SVIL: variants seen among roughly 807,000 people sequenced by gnomAD.
SVIL encodes supervillin.
A neutral mutation model predicts 240.4 loss-of-function variants in SVIL; 101 were observed. The ratio of observed to expected loss-of-function variants is 0.42; its 90% CI spans 0.36 to 0.50. The LOEUF is 0.50. Ranked by LOEUF, SVIL falls within the 20% of genes least tolerant of loss-of-function variation. The pLI is 0.01. For missense variants in SVIL, 2,512 were observed against 2,818.7 expected (o/e 0.89, Z 2.46); for synonymous variants, 999 against 1,100.0 (o/e 0.91, Z 1.82).
At chr10:29,524,410 C>T (rs1950758048) in intron 14 of SVIL, 62 bp downstream of exon 14, 6 of 1,601,952 alleles carry the variant, frequency 3.7e-6, no homozygotes, top group Non-Finnish European at 5.1e-6. Context: ...CAGAGGAATA[C>T]TGCAGTGCTA....
chr10:29,464,118 C>A (rs1944601521), intron 34 of SVIL, among the ~76,000 whole-genome samples: 1 of 152,134 alleles, frequency 6.6e-6, no homozygotes, highest in South Asian at 2.1e-4. Context: ...GCTCATGGCT[C>A]TCTTACAGAG....
At chr10:29,513,590 A>G (rs1950009947) in intron 16 of SVIL, among the ~76,000 whole-genome samples, 1 of 152,196 alleles carries the variant, frequency 6.6e-6, no homozygotes, top group East Asian at 1.9e-4. Flanking sequence ...ACAGTCTCTT[A>G]ATATCATCCC....
intron 28 of SVIL, 78 bp downstream of exon 28, chr10:29,481,506 T>A: frequency 6.3e-7 from 1 of 1,577,114 alleles, no homozygotes; most frequent in East Asian, 2.2e-5. Flanking sequence ...CTATCCTGAT[T>A]TGATCATTTT....
Position 29,524,656 on chromosome 10 carries a change from T to C in SVIL, c.2402A>G (p.Glu801Gly). 1 of 1,614,192 alleles carries C rather than the reference T, an allele frequency of 6.2e-7. No homozygotes were observed. Among genetic ancestry groups the C allele is most frequent in the Non-Finnish European group, 8.5e-7 (1 of 1,180,022 alleles). The stretch of plus-strand genomic sequence containing the variant: ...ATCAGGTTCTCCTTGCTCAGCAAGC[T>C]CTTTGCCCTCATTTGTCTGGTCCTT... ...LAKDQTNEGK[E>G]LAEQGEPDSS... is the part of the protein sequence containing the mutation. Residue 801 changes from glutamate to glycine, a missense_variant, in exon 14 of 38, where the codon GAG (glutamate) becomes GGG (glycine). Glu to Gly is a moderately conservative substitution (Grantham distance 98). Coordinates refer to ENST00000355867, the MANE Select transcript of SVIL (RefSeq NM_021738.3).
chr10:29,697,434 A>T (rs1962175816), intron 1 of SVIL, among the ~76,000 whole-genome samples: 2 of 78,658 alleles, frequency 2.5e-5, no homozygotes, highest in East Asian at 3.9e-4. Flanking sequence ...GTGTAGAAAG[A>T]AGTAGACATG....
chr10:29,499,421 G>T (rs910835637), intron 17 of SVIL, among the ~76,000 whole-genome samples, 158 bp from the exon 18 acceptor site: 4 of 152,220 alleles, frequency 2.6e-5, no homozygotes, highest in African/African-American at 9.7e-5. Flanking sequence ...AATGGGCTTG[G>T]CTTCCTTACG....
chr10:29,555,344 ATG>A (rs371830010), intron 3 of SVIL, among the ~76,000 whole-genome samples: 1,698 of 55,318 alleles, frequency 0.031, 17 homozygotes, highest in Admixed American at 0.029. Context: ...ACACACACAC[ATG>A]GACACACCCT....
intron 36 of SVIL, chr10:29,458,902 G>T (rs926799219): frequency 1.1e-5 from 2 of 177,972 alleles, no homozygotes; most frequent in Non-Finnish European, 2.3e-5. Context: ...CAGCTCCTGG[G>T]CTCAAGTGAT....
chr10:29,635,807 A>G (rs961479301), upstream of SVIL, among the ~76,000 whole-genome samples: 1 of 152,212 alleles, frequency 6.6e-6, no homozygotes, highest in Non-Finnish European at 1.5e-5. Flanking sequence ...CACCAACTTC[A>G]GTATAAACCA....
rs531326848 is a variant in SVIL, at chr10:29,610,106, C to T, written c.-201+24314G>A. Among the ~76,000 whole-genome samples the T allele has an allele frequency of 1.8e-4, 28 of 152,252 alleles. 1 individual carries two copies. In the South Asian group the frequency reaches 4.6e-3, roughly 25 times the overall value. The stretch of plus-strand genomic sequence containing the variant: ...CCCTTTTCTCATTTCCACACTGTGG[C>T]GGGCTCCCTGCCAATCTGGGTAGTT... On this transcript the variant is annotated intron_variant, in intron 1 of 37. Coordinates refer to ENST00000355867, the MANE Select transcript of SVIL (RefSeq NM_021738.3).
chr10:29,554,044 C>T (rs896873799), intron 5 of SVIL, among the ~76,000 whole-genome samples: 2 of 152,144 alleles, frequency 1.3e-5, no homozygotes, highest in Admixed American at 6.5e-5. Context: ...GACTGGCCTC[C>T]GTTACCCAAC....
At chr10:29,593,336 G>A (rs913358178) in intron 1 of SVIL, among the ~76,000 whole-genome samples, 1 of 152,022 alleles carries the variant, frequency 6.6e-6, no homozygotes, top group Admixed American at 6.5e-5. Context: ...ACTCACTCCT[G>A]GACCTTCACA....
chr10:29,498,997 A>G (rs1235766262), intron 18 of SVIL, 119 bp downstream of exon 18: 11 of 1,414,658 alleles, frequency 7.8e-6, no homozygotes, highest in African/African-American at 1.5e-5. Context: ...AAAACTTAAA[A>G]AGACCATGGT....
At chr10:29,466,776 ATAT>A (rs1944977490) in intron 33 of SVIL, among the ~76,000 whole-genome samples, 1 of 152,226 alleles carries the variant, frequency 6.6e-6, no homozygotes, top group South Asian at 2.1e-4. Flanking sequence ...TTTAAAATAG[ATAT>A]TATATATAGC....
chr10:29,607,883 G>T (rs184138117), intron 1 of SVIL, among the ~76,000 whole-genome samples: 5 of 152,254 alleles, frequency 3.3e-5, no homozygotes, highest in Non-Finnish European at 7.4e-5. Context: ...ACTGAGTTGC[G>T]AAAATCAAAC....
chr10:29,609,245 C>T (rs1428917666), intron 1 of SVIL, among the ~76,000 whole-genome samples: 7 of 152,342 alleles, frequency 4.6e-5, no homozygotes, highest in South Asian at 2.1e-4. Flanking sequence ...TTGACCAGCT[C>T]GCTGAGCTGT....
chr10:29,628,438 A>G (rs183803394), intron 1 of SVIL, among the ~76,000 whole-genome samples: 22 of 152,350 alleles, frequency 1.4e-4, no homozygotes, highest in African/African-American at 4.8e-4. Flanking sequence ...ACCTAAAAAT[A>G]TCAATATGGT....
chr10:29,467,249 T>C (rs535666299), intron 33 of SVIL: 1 of 155,326 alleles, frequency 6.4e-6, no homozygotes, highest in African/African-American at 2.4e-5. Context: ...GGTTAATGAC[T>C]GAAGGGCTCT....
chr10:29,529,840 A>T lies in SVIL; in HGVS notation c.2111T>A (p.Met704Lys), dbSNP rs749237718. The T allele has an allele frequency of 6.2e-7, 1 of 1,608,950 alleles. No individual in the cohort carries two copies. Among genetic ancestry groups the T allele is most frequent in the Non-Finnish European group, 8.5e-7 (1 of 1,178,214 alleles). ...VAAKRLLFRE[M>K]EKSFDEQNVP... ...ATTTTGTTCATCAAAAGATTTTTCC[A>T]TCTCCTAAGATTAGAAGTATTGTGG... is the stretch of plus-strand genomic sequence containing the variant. Residue 704 changes from methionine (M) to lysine (K), a missense_variant, in exon 12 of 38, where the codon ATG becomes AAG. Physicochemically the swap from Met to Lys is moderately conservative, Grantham distance 95. This residue lies in a region of SVIL where 1,443 missense variants were observed against 1,486.6 expected (regional missense o/e 0.97). Coordinates refer to ENST00000355867, the MANE Select transcript of SVIL (RefSeq NM_021738.3).
Sources: gnomAD v4.1 joint callset for allele counts (sites outside exome capture counted in the v4.1 genomes callset) on GRCh38, gnomAD v4.1.1 for gene constraint, gnomAD v4.1.1 regional missense constraint, MANE v1.5 for transcripts, NCBI Gene and HGNC (gene_info 2026-07-23, HGNC 2026-07-21) for gene names.